SPTA1: variants seen among roughly 807,000 people sequenced by gnomAD.
SPTA1 encodes spectrin alpha, erythrocytic 1.
SPTA1 carries 177 observed loss-of-function variants against 324.7 expected under a neutral mutation model. The observed-to-expected ratio is 0.55, with a 90% CI of 0.48 to 0.62. The LOEUF (loss-of-function observed/expected upper bound fraction) is 0.62. SPTA1 is among the 20% of genes least tolerant of loss of function. SPTA1 has a pLI of 0.00. For missense variants in SPTA1, 3,162 were observed against 2,883.6 expected, an observed-to-expected ratio of 1.10 and a Z score of -2.21; for synonymous variants, 1,195 against 1,041.3, an observed-to-expected ratio of 1.15 and a Z score of -2.84.
intron 29 of SPTA1, 58 bp downstream of exon 29, chr1:158,645,130 A>C (rs1411729471): frequency 6.3e-7 from 1 of 1,584,534 alleles, no homozygotes; most frequent in African/African-American, 1.3e-5. Context: ...GACCATATGA[A>C]ATTGCATAGG....
intron 51 of SPTA1, chr1:158,612,171 G>C (rs554849124): frequency 6.5e-6 from 1 of 154,500 alleles, no homozygotes; most frequent in South Asian, 2.0e-4. Flanking sequence ...AGGAAAATCT[G>C]TTTTCTCAAG....
chr1:158,650,833 G>A (rs1004253271), intron 24 of SPTA1, among the ~76,000 whole-genome samples: 15 of 152,138 alleles, frequency 9.9e-5, no homozygotes, highest in Non-Finnish European at 1.5e-4. Flanking sequence ...GTTTAATTTG[G>A]TGTAGCCTGG....
chr1:158,681,974 G>A lies in SPTA1; in HGVS notation c.391-307C>T, dbSNP rs373529359. On this transcript the variant is annotated intron_variant, in intron 3 of 51. Coordinates refer to ENST00000643759, the MANE Select transcript of SPTA1 (RefSeq NM_003126.4). ...ATGGAAAAGTGTTCATTTGAACTGA[G>A]CCTTATGGAGCAGAAAGATTTTTGA... Among the ~76,000 whole-genome samples, 41 of 152,290 alleles carry A rather than the reference G, an allele frequency of 2.7e-4. No individual in the cohort carries two copies. In the South Asian group the frequency reaches 8.1e-3, roughly 30 times the overall value.
Position 158,611,295 on chromosome 1 carries a change from A to G in SPTA1, c.7229T>C (p.Val2410Ala), listed in dbSNP as rs765779075. 5 of 1,613,836 alleles carry G rather than the reference A, an allele frequency of 3.1e-6. No homozygotes were observed. The highest frequency in any genetic ancestry group is 3.3e-5 in the Admixed American group (2 of 59,974). ...GCCAAAGTAGGAATTGGTGAAGCCAACGTAGTCATAGCCAGAGAGATGGCT... is the reference window on the plus strand; with the variant it reads ...GCCAAAGTAGGAATTGGTGAAGCCAGCGTAGTCATAGCCAGAGAGATGGCT... ...GRSHLSGYDYVGFTNSYFGN is the reference protein window; with the variant it reads ...GRSHLSGYDYAGFTNSYFGN Residue 2410 changes from valine (V) to alanine (A), a missense_variant, in exon 52 of 52, where the codon GTT becomes GCT. By Grantham distance (64) the Val-to-Ala change is moderately conservative (BLOSUM62 0). Coordinates refer to ENST00000643759, the MANE Select transcript of SPTA1 (RefSeq NM_003126.4).
rs770050536 is a variant in SPTA1 at position 158,672,195 on chromosome 1, A to G, written c.1352T>C (p.Met451Thr). 5.6e-6 allele frequency: 9 copies of G among 1,613,716 alleles called. No homozygotes were observed. The highest frequency in any genetic ancestry group is 7.6e-6 in the Non-Finnish European group (9 of 1,179,778). The change falls in exon 11 of 52, where the codon ATG becomes ACG. Residue 451 changes from methionine (M) to threonine (T), a missense_variant and splice_region_variant. Met to Thr is a moderately conservative substitution (Grantham distance 81). Transcript: ENST00000643759. ...HEASDEVREK[M>T]EILDNNWTAL... ...AGTCCAGTTGTTGTCAAGTATTTCC[A>G]TCTTTGGAAAGAAGGAGATAATGTA...
intron 4 of SPTA1, 26 bp downstream of exon 4, chr1:158,681,501 T>G (rs1370911739): frequency 1.2e-6 from 2 of 1,613,416 alleles, no homozygotes; most frequent in Admixed American, 1.7e-5. Context: ...GGAGGCCCTG[T>G]GTGATTGCTG....
chr1:158,641,880 A>T (rs1212224039), intron 33 of SPTA1, among the ~76,000 whole-genome samples: 1 of 152,210 alleles, frequency 6.6e-6, no homozygotes, highest in Admixed American at 6.5e-5. Flanking sequence ...TTGCGGCACT[A>T]TTCACAATAG....
intron 49 of SPTA1, 114 bp from the exon 50 acceptor site, chr1:158,613,981 A>G: frequency 1.6e-6 from 2 of 1,220,538 alleles, no homozygotes; most frequent in Non-Finnish European, 1.2e-6. Context: ...CTGTCACAAA[A>G]CTATCAGAGG....
rs767548752 is a variant in SPTA1, at chr1:158,648,589, C to T, written c.3634G>A (p.Gly1212Ser). The part of the protein sequence containing the change: ...KCQALSAADP[G>S]SDLFSVQALQ... ...GCCTGAACACTGAACAGATCTGAGC[C>T]AGGGTCTGCAGCACTGAGGGCCTGG... Residue 1212 changes from glycine to serine, a missense_variant, in exon 26 of 52, where the codon GGC (glycine) becomes AGC (serine). Physicochemically the swap from Gly to Ser is moderately conservative, Grantham distance 56 (BLOSUM62 0). Transcript: ENST00000643759. 3 of 1,613,986 alleles carry T rather than the reference C, an allele frequency of 1.9e-6. No individual in the cohort carries two copies. Among genetic ancestry groups the T allele is most frequent in the East Asian group, 4.5e-5 (2 of 44,874 alleles).
chr1:158,636,130 A>G, intron 37 of SPTA1, 96 bp from the exon 38 acceptor site: 1 of 1,604,310 alleles, frequency 6.2e-7, no homozygotes, highest in East Asian at 2.2e-5. Flanking sequence ...CCTACCCTCC[A>G]GATTATTTAT....
rs1324355513 is a variant in SPTA1 at position 158,636,023 on chromosome 1, A to G, written c.5322T>C (p.Asp1774=). 1 of 1,614,062 alleles carries G rather than the reference A, an allele frequency of 6.2e-7. No homozygotes were observed. Among genetic ancestry groups the G allele is most frequent in the African/African-American group, 1.3e-5 (1 of 75,020 alleles). ...AHEPAIQNVL[D]MAEKLKDKAA... ...CCTTGTCTTTCAGCTTCTCTGCCATATCCAGCACATTCTGAAGAACAACCC... is the reference window on the plus strand; with the variant it reads ...CCTTGTCTTTCAGCTTCTCTGCCATGTCCAGCACATTCTGAAGAACAACCC... Residue 1774 remains aspartate (D), a synonymous_variant, in exon 38 of 52, where the codon GAT becomes GAC. Coordinates refer to ENST00000643759, the MANE Select transcript of SPTA1 (RefSeq NM_003126.4).
At chr1:158,617,414 TGG>T (rs1290882076) in intron 47 of SPTA1, 121 bp downstream of exon 47, 1 of 762,998 alleles carries the variant, frequency 1.3e-6, no homozygotes, top group African/African-American at 1.7e-5. Context: ...TGATGGCCTA[TGG>T]TTAAAATGGA....
At chr1:158,660,908 GCATAA>G (rs2101887737) in intron 18 of SPTA1, among the ~76,000 whole-genome samples, 1 of 152,302 alleles carries the variant, frequency 6.6e-6, no homozygotes, top group African/African-American at 2.4e-5. Context: ...GTTCAACACT[GCATAA>G]CTAAGATCTG....
At position 158,662,751 on chromosome 1, in the gene SPTA1, C is replaced by G. The variant is rs998833783; in HGVS notation, c.2415G>C (p.Glu805Asp). The change falls in exon 17 of 52, where the codon GAG (glutamate) becomes GAC (aspartate). Residue 805 changes from glutamate to aspartate, a missense_variant. Glu to Asp is a conservative substitution (Grantham distance 45). Transcript: ENST00000643759. ...GTTCAGTCTCTTGGATCCAGGCCTC[C>G]TCATCCTCTGTGTCTCTACAAATCA... ...LQLICRDTED[E>D]EAWIQETEPS... 3.7e-6 allele frequency: 6 copies of G among 1,613,912 alleles called. No homozygotes were observed. The highest frequency in any genetic ancestry group is 1.3e-5 in the African/African-American group (1 of 74,884).
Position 158,685,141 on chromosome 1 carries a change from G to C in SPTA1, c.231C>G (p.Thr77=). The C allele has an allele frequency of 1.9e-6, 3 of 1,613,608 alleles. No homozygotes were observed. Among genetic ancestry groups the C allele is most frequent in the Non-Finnish European group, 2.5e-6 (3 of 1,179,768 alleles). Residue 77 remains threonine (T), a synonymous_variant, in exon 2 of 52, where the codon ACC becomes ACG. Coordinates refer to ENST00000643759, the MANE Select transcript of SPTA1 (RefSeq NM_003126.4). ...TAGTTGGGTCTTCATAGCTCTTATCGGTTAAGATATTGACTTTCTCCATGA... is the reference window on the plus strand; with the variant it reads ...TAGTTGGGTCTTCATAGCTCTTATCCGTTAAGATATTGACTTTCTCCATGA... ...KWIMEKVNIL[T]DKSYEDPTNI...
intron 10 of SPTA1, among the ~76,000 whole-genome samples, chr1:158,672,753 C>A (rs1374246004): frequency 6.6e-6 from 1 of 151,962 alleles, no homozygotes; most frequent in Non-Finnish European, 1.5e-5. Context: ...CAAGCATGTG[C>A]CCAAGAATTT....
chr1:158,667,001 T>C (rs947916274), intron 15 of SPTA1, among the ~76,000 whole-genome samples: 2 of 152,238 alleles, frequency 1.3e-5, no homozygotes, highest in Non-Finnish European at 2.9e-5. Flanking sequence ...ATGTCTTCAT[T>C]CACACTCTGC....
chr1:158,680,575 C>A lies in SPTA1; in HGVS notation c.678+8G>T. On this transcript the variant is annotated splice_region_variant and intron_variant, in intron 5 of 51. Transcript: ENST00000643759. ...TTGCACGGAGTGAATATTTTGCTCC[C>A]ACCTCACCTCGGCACACTCATTGGC... The A allele has an allele frequency of 6.2e-7, 1 of 1,613,722 alleles. No individual in the cohort carries two copies. The highest frequency in any genetic ancestry group is 8.5e-7 in the Non-Finnish European group (1 of 1,179,776).
In SPTA1 at chr1:158,674,597, C is replaced by T. The variant is rs370445219; in HGVS notation, c.1191G>A (p.Glu397=). Residue 397 remains glutamate (E), a synonymous_variant, in exon 9 of 52, where the codon GAG becomes GAA. Transcript: ENST00000643759. Reference sequence around the variant, plus strand: ...CTCCACCAGCCACATCTGTTGGCAGCTCATCAGCATTGATCGCAGCAGTCT... The same window carrying T: ...CTCCACCAGCCACATCTGTTGGCAGTTCATCAGCATTGATCGCAGCAGTCT... ...NEKTAAINAD[E]LPTDVAGGEV... is the part of the protein sequence containing the mutation. 6 of 1,614,008 alleles carry T rather than the reference C, an allele frequency of 3.7e-6. No homozygotes were observed. The highest frequency in any genetic ancestry group is 1.3e-5 in the African/African-American group (1 of 74,936).
Sources: gnomAD v4.1 joint callset for allele counts (sites outside exome capture counted in the v4.1 genomes callset) on GRCh38, gnomAD v4.1.1 for gene constraint, MANE v1.5 for transcripts, NCBI Gene and HGNC (gene_info 2026-07-23, HGNC 2026-07-21) for gene names.